The following FTO variants were observed in gnomAD, a reference collection of about 807,000 sequenced individuals.
FTO encodes alpha-ketoglutarate-dependent dioxygenase FTO.
A neutral mutation model predicts 63.9 loss-of-function variants in FTO; 47 were observed. The ratio of observed to expected loss-of-function variants is 0.74; its 90% CI spans 0.58 to 0.94. FTO has a LOEUF of 0.94. FTO is among the 40% of genes least tolerant of loss of function. The pLI is 0.00. For synonymous variants in FTO, 207 were observed against 224.4 expected (o/e 0.92, Z 0.69); for missense variants, 562 against 618.1 (o/e 0.91, Z 0.96).
intron 1 of FTO, among the ~76,000 whole-genome samples, chr16:53,757,805 T>C (rs1163680657): frequency 6.6e-6 from 1 of 152,188 alleles, no homozygotes; most frequent in Non-Finnish European, 1.5e-5. Context: ...GTCCATCTTA[T>C]GCAGCTGAAA....
At chr16:53,854,238 T>C (rs1240038551) in intron 4 of FTO, among the ~76,000 whole-genome samples, 1 of 152,156 alleles carries the variant, frequency 6.6e-6, no homozygotes, top group Non-Finnish European at 1.5e-5. Flanking sequence ...AGCTTGCAAA[T>C]ATTTTCTCCC....
chr16:53,982,849 ACT>A (rs2083578492), intron 8 of FTO, among the ~76,000 whole-genome samples: 1 of 152,122 alleles, frequency 6.6e-6, no homozygotes, highest in Non-Finnish European at 1.5e-5. Context: ...TGAAAATAAG[ACT>A]CTTGACTGCT....
chr16:53,749,856 G>A (rs2076741300), intron 1 of FTO, among the ~76,000 whole-genome samples: 1 of 152,138 alleles, frequency 6.6e-6, no homozygotes, highest in Admixed American at 6.5e-5. Flanking sequence ...ATCATGAGAG[G>A]ATATTGAATT....
chr16:53,824,010 A>G (rs1176223231), intron 2 of FTO, among the ~76,000 whole-genome samples: 1 of 152,172 alleles, frequency 6.6e-6, no homozygotes, highest in Admixed American at 6.5e-5. Context: ...CTTTGTCTCT[A>G]TTTTAGTCCA....
At chr16:53,868,916 C>T (rs1233073640) in intron 4 of FTO, among the ~76,000 whole-genome samples, 2 of 152,038 alleles carry the variant, frequency 1.3e-5, no homozygotes, top group Non-Finnish European at 2.9e-5. Flanking sequence ...ACTGCAACCT[C>T]CGCCTCCCGG....
At chr16:53,952,427 C>T (rs2082822078) in intron 8 of FTO, among the ~76,000 whole-genome samples, 1 of 152,150 alleles carries the variant, frequency 6.6e-6, no homozygotes, top group Non-Finnish European at 1.5e-5. Flanking sequence ...GCTGACTGGA[C>T]CCTGCTGAGC....
chr16:53,830,349 T>TA (rs2079111433), intron 3 of FTO, among the ~76,000 whole-genome samples: 1 of 152,170 alleles, frequency 6.6e-6, no homozygotes, highest in Admixed American at 6.5e-5. Context: ...CTCCTAGCTA[T>TA]AAAAAACGAA....
chr16:53,752,341 T>TA (rs546709550), intron 1 of FTO, among the ~76,000 whole-genome samples: 7 of 151,618 alleles, frequency 4.6e-5, no homozygotes, highest in South Asian at 2.1e-4. Context: ...GGTTGCACTT[T>TA]AAAAAAAAAT....
At chr16:53,931,299 T>TTAA (rs1491219348) in intron 7 of FTO, among the ~76,000 whole-genome samples, 268 of 50,188 alleles carry the variant, frequency 5.3e-3, no homozygotes, top group African/African-American at 0.025. Context: ...ACTATGTGAC[T>TTAA]TTTTTTTTTT....
intron 7 of FTO, among the ~76,000 whole-genome samples, chr16:53,905,362 T>C (rs763359578): frequency 5.6e-4 from 86 of 152,304 alleles, no homozygotes; most frequent in Non-Finnish European, 1.1e-3. Flanking sequence ...ATTTGTAAAA[T>C]GGGGATAATA....
intron 7 of FTO, among the ~76,000 whole-genome samples, chr16:53,931,298 CT>C (rs869204000): frequency 0.015 from 1,574 of 101,892 alleles, 13 homozygotes; most frequent in African/African-American, 0.024. Context: ...AACTATGTGA[CT>C]TTTTTTTTTT....
At chr16:53,725,758 A>T (rs2076138073) in intron 1 of FTO, among the ~76,000 whole-genome samples, 1 of 152,160 alleles carries the variant, frequency 6.6e-6, no homozygotes, top group Admixed American at 6.6e-5. Flanking sequence ...AGTGATCAGG[A>T]ATTAAAGAGT....
chr16:53,931,668 C>T (rs2082287509), intron 7 of FTO, among the ~76,000 whole-genome samples: 1 of 152,036 alleles, frequency 6.6e-6, no homozygotes, highest in African/African-American at 2.4e-5. Context: ...TAGGGTGTCA[C>T]AGACAAGGAG....
intron 1 of FTO, among the ~76,000 whole-genome samples, chr16:53,759,830 T>G (rs905260741): frequency 1.3e-5 from 2 of 151,966 alleles, no homozygotes; most frequent in Non-Finnish European, 2.9e-5. Flanking sequence ...CACTATGGCA[T>G]TTTATCATGA....
At position 53,813,080 on chromosome 16, in the gene FTO, A is replaced by G. The variant is rs984547944; in HGVS notation, c.123+2863A>G. Among the ~76,000 whole-genome samples the G allele has an allele frequency of 8.5e-5, 13 of 152,198 alleles. No homozygotes were observed. The East Asian group carries it at 1.2e-3, about 14-fold the overall frequency. ...CAGCCCACTGTGCTCTGAACCAGCC[A>G]TCCACTGAGGGATAAAAGGAAACCC... On this transcript the variant is annotated intron_variant, in intron 2 of 8. Transcript: ENST00000471389.
chr16:53,879,087 A>G (rs552236922), intron 5 of FTO, among the ~76,000 whole-genome samples: 1 of 152,258 alleles, frequency 6.6e-6, no homozygotes, highest in African/African-American at 2.4e-5. Flanking sequence ...TCCTATCTTT[A>G]GTCTCAGGGC....
chr16:53,717,050 T>A (rs2075911152), intron 1 of FTO, among the ~76,000 whole-genome samples: 1 of 151,894 alleles, frequency 6.6e-6, no homozygotes. Flanking sequence ...TCCAATTGTA[T>A]AGTATTTTAT....
At chr16:54,071,758 G>A (rs895342279) in intron 8 of FTO, 1 of 152,116 alleles carries the variant, frequency 6.6e-6, no homozygotes, top group Non-Finnish European at 1.5e-5. Flanking sequence ...ACCTAGTGCA[G>A]GACCGTCTGG....
In FTO at chr16:53,911,186, C is replaced by A. The variant is rs78879471; in HGVS notation, c.1239+22235C>A. On this transcript the variant is annotated intron_variant, in intron 7 of 8. Transcript: ENST00000471389. Reference sequence around the variant, plus strand: ...TCATATGTTAACTCAGGCTTGAAAGCACTTAGCACATGGCAGGCATCTCCA... The same window carrying A: ...TCATATGTTAACTCAGGCTTGAAAGAACTTAGCACATGGCAGGCATCTCCA... 1,952 of 566,484 alleles carry A rather than the reference C, an allele frequency of 3.4e-3. 53 individuals are homozygous for A. The East Asian group carries it at 0.052, about 15-fold the overall frequency. 35.1% of individuals were successfully genotyped at this position (566,484 alleles called of 1,614,324 possible). A position where few individuals can be genotyped will look rare whatever the true frequency, so the allele number is the denominator to read the frequency against.
Sources: allele counts gnomAD v4.1 joint callset (sites outside exome capture counted in the v4.1 genomes callset), GRCh38; gene constraint gnomAD v4.1.1; transcripts MANE v1.5; gene names NCBI Gene and HGNC (gene_info 2026-07-23, HGNC 2026-07-21).